Variants in AFF3 observed in about 807,000 individuals in gnomAD.
AFF3 encodes AF4/FMR2 family member 3.
AFF3 carries 32 observed loss-of-function variants against 129.7 expected under a neutral mutation model. That is an observed-to-expected ratio of 0.25 (90% CI 0.19 to 0.33). The LOEUF (loss-of-function observed/expected upper bound fraction) is 0.33. Ranked by LOEUF, AFF3 falls within the 10% of genes least tolerant of loss-of-function variation. The pLI is 1.00. For synonymous variants in AFF3, 644 were observed against 635.4 expected, an observed-to-expected ratio of 1.01 and a Z score of -0.20; for missense variants, 1,373 against 1,592.0, an observed-to-expected ratio of 0.86 and a Z score of 2.34.
intron 7 of AFF3, among the ~76,000 whole-genome samples, chr2:99,886,696 T>C (rs1271626295): frequency 6.6e-6 from 1 of 151,956 alleles, no homozygotes; most frequent in East Asian, 1.9e-4. Context: ...TTACCCAAAC[T>C]GAAAAAAATT....
intron 13 of AFF3, among the ~76,000 whole-genome samples, chr2:99,642,084 G>A (rs190821843): frequency 8.1e-4 from 124 of 152,322 alleles, no homozygotes; most frequent in Non-Finnish European, 1.0e-4. Context: ...AGTATGAATA[G>A]TTGGTGAAGA....
chr2:99,908,192 G>C (rs1451699398), intron 7 of AFF3, among the ~76,000 whole-genome samples: 1 of 152,144 alleles, frequency 6.6e-6, no homozygotes, highest in African/African-American at 2.4e-5. Context: ...ATCAAGAGAT[G>C]AATAAAAATA....
At chr2:100,056,206 T>C (rs2105187317) in intron 4 of AFF3, among the ~76,000 whole-genome samples, 1 of 152,218 alleles carries the variant, frequency 6.6e-6, no homozygotes, top group East Asian at 1.9e-4. Flanking sequence ...AGTGGCTGGC[T>C]GAAATCAATA....
In AFF3 at chr2:100,007,342, G is replaced by A. The variant is rs140364618; in HGVS notation, c.293C>T (p.Pro98Leu). The stretch of plus-strand genomic sequence containing the variant: ...GTTCACAGGAGTCTGAGGAACCCCA[G>A]GTTTGGGAACTCCAACGAGATGACT... The part of the protein sequence containing the change: ...NQSHLVGVPK[P>L]GVPQTPVNKI... The change falls in exon 6 of 25, where the codon CCT (proline) becomes CTT (leucine). Residue 98 changes from proline to leucine, a missense_variant. By Grantham distance (98) the Pro-to-Leu change is moderately conservative. Coordinates refer to ENST00000672756, the MANE Select transcript of AFF3 (RefSeq NM_001386135.1). 3 of 1,614,034 alleles carry A rather than the reference G, an allele frequency of 1.9e-6. No homozygotes were observed. The highest frequency in any genetic ancestry group is 1.6e-4 in the Middle Eastern group (1 of 6,084).
At position 100,026,696 on chromosome 2, in the gene AFF3, TATAA is replaced by T. The variant is rs1466613615; in HGVS notation, c.54-17768_54-17765del. 1.3e-3 allele frequency among the ~76,000 whole-genome samples: 175 copies of T among 137,260 alleles called. 1 individual carries two copies. The highest frequency in any genetic ancestry group is 7.8e-3 in the Middle Eastern group (2 of 256). 90.0% of individuals were successfully genotyped at this position (137,260 alleles called of 152,430 possible). A position where few individuals can be genotyped will look rare whatever the true frequency, so the allele number is the denominator to read the frequency against. Reference sequence around the variant, plus strand: ...GGATAAAGAAACTGTGATTGATATATATAAATAAATATATATATAAATATATATA... The same window carrying T: ...GGATAAAGAAACTGTGATTGATATATATAAATATATATATAAATATATATA... On this transcript the variant is annotated intron_variant, in intron 4 of 24. Transcript: ENST00000672756.
intron 10 of AFF3, among the ~76,000 whole-genome samples, chr2:99,731,437 C>T (rs1386996402): frequency 6.6e-6 from 1 of 152,076 alleles, no homozygotes; most frequent in Non-Finnish European, 1.5e-5. Context: ...TCTTATTTCT[C>T]TTGATTAATC....
chr2:100,112,775 G>A (rs1161686515), intron 2 of AFF3, among the ~76,000 whole-genome samples: 1 of 152,098 alleles, frequency 6.6e-6, no homozygotes, highest in Non-Finnish European at 1.5e-5. Context: ...GTGAGTGAAG[G>A]AAGGGGCTCT....
chr2:100,011,499 C>T (rs148776462), intron 4 of AFF3: 7 of 780,878 alleles, frequency 9.0e-6, no homozygotes, highest in Non-Finnish European at 1.4e-5. Context: ...AATAATACCT[C>T]CTGCATCTGC....
intron 7 of AFF3, among the ~76,000 whole-genome samples, chr2:99,888,454 T>C (rs1693287225): frequency 6.6e-6 from 1 of 152,256 alleles, no homozygotes. Flanking sequence ...ACAGCTACAA[T>C]ACTAGAAATG....
At chr2:99,755,829 C>T (rs911093608) in intron 8 of AFF3, among the ~76,000 whole-genome samples, 59 of 152,316 alleles carry the variant, frequency 3.9e-4, no homozygotes, top group African/African-American at 1.4e-3. Flanking sequence ...TATCAAATTG[C>T]TCTTGAAATT....
intron 4 of AFF3, among the ~76,000 whole-genome samples, chr2:100,103,710 G>A (rs1285403148): frequency 2.6e-5 from 4 of 152,054 alleles, no homozygotes; most frequent in Non-Finnish European, 4.4e-5. Context: ...TGGCATAAAG[G>A]GATACCCGGG....
intron 4 of AFF3, among the ~76,000 whole-genome samples, chr2:100,099,603 C>T (rs1690563040): frequency 6.6e-6 from 1 of 152,018 alleles, no homozygotes; most frequent in Admixed American, 6.5e-5. Context: ...AATGCCACCC[C>T]ACCATGAATA....
At position 99,549,559 on chromosome 2, in the gene AFF3, T is replaced by C. The variant is rs1429783778; in HGVS notation, c.*1915A>G. 1.6e-5 allele frequency: 3 copies of C among 187,934 alleles called. No individual in the cohort carries two copies. In the Admixed American group the frequency reaches 1.9e-4, roughly 12 times the overall value. 11.6% of individuals were successfully genotyped at this position (187,934 alleles called of 1,614,324 possible). A position where few individuals can be genotyped will look rare whatever the true frequency, so the allele number is the denominator to read the frequency against. On this transcript the variant is annotated 3_prime_UTR_variant, in exon 25 of 25. Coordinates refer to ENST00000672756, the MANE Select transcript of AFF3 (RefSeq NM_001386135.1). The stretch of plus-strand genomic sequence containing the variant: ...GAGATCGTGCCACTGCACTCCAGCC[T>C]GGGCAACAGAGCGAAACTCGTCTCA...
chr2:99,553,949 A>G (rs890347208), intron 24 of AFF3, among the ~76,000 whole-genome samples: 6 of 151,100 alleles, frequency 4.0e-5, no homozygotes, highest in Non-Finnish European at 1.5e-5. Flanking sequence ...AAAGAAAAAG[A>G]AAAAGAAAAA....
intron 4 of AFF3, among the ~76,000 whole-genome samples, chr2:100,035,227 T>G (rs905346798): frequency 3.9e-5 from 6 of 152,206 alleles, no homozygotes; most frequent in Non-Finnish European, 7.3e-5. Context: ...TTACACCAAC[T>G]CTGTCAAAAC....
chr2:99,552,135 C>A (rs185277508), intron 24 of AFF3, among the ~76,000 whole-genome samples: 3 of 152,160 alleles, frequency 2.0e-5, no homozygotes, highest in Non-Finnish European at 1.5e-5. Flanking sequence ...CCTGGAATTC[C>A]GGCACTTTAG....
chr2:100,078,603 C>G (rs1688786774), intron 4 of AFF3, among the ~76,000 whole-genome samples: 1 of 152,112 alleles, frequency 6.6e-6, no homozygotes, highest in Non-Finnish European at 1.5e-5. Flanking sequence ...AGAGAACAGG[C>G]TCATTCAGCT....
chr2:100,049,771 G>A (rs1401975754), intron 4 of AFF3, among the ~76,000 whole-genome samples: 2 of 152,184 alleles, frequency 1.3e-5, no homozygotes, highest in South Asian at 4.1e-4. Context: ...AAAAATCACA[G>A]TTGGGAAAAT....
At chr2:99,783,686 T>G (rs1684571045) in intron 8 of AFF3, among the ~76,000 whole-genome samples, 1 of 152,246 alleles carries the variant, frequency 6.6e-6, no homozygotes, top group Non-Finnish European at 1.5e-5. Context: ...CAGAGCTGTC[T>G]TTCTAAAATT....
Sources: allele counts gnomAD v4.1 joint callset (sites outside exome capture counted in the v4.1 genomes callset), GRCh38; gene constraint gnomAD v4.1.1; transcripts MANE v1.5; gene names NCBI Gene and HGNC (gene_info 2026-07-23, HGNC 2026-07-21).